FGF12: variants seen among roughly 807,000 people sequenced by gnomAD.
The protein encoded by FGF12 is fibroblast growth factor 12B.
In FGF12, 14 loss-of-function variants were observed where a neutral mutation model predicts 23.6. That is an observed-to-expected ratio of 0.59 (90% confidence interval 0.39 to 0.93). The LOEUF (loss-of-function observed/expected upper bound fraction) is 0.93, where lower values mean the gene tolerates loss of function less well. FGF12 is among the 40% of genes least tolerant of loss of function. FGF12 has a pLI of 0.00. For missense variants in FGF12, 175 were observed against 217.8 expected, an observed-to-expected ratio of 0.80 and a Z score of 1.24; for synonymous variants, 62 against 77.3, an observed-to-expected ratio of 0.80 and a Z score of 1.04.
intron 2 of FGF12, among the ~76,000 whole-genome samples, chr3:192,627,688 G>C (rs1479601728): frequency 6.6e-6 from 1 of 152,148 alleles, no homozygotes; most frequent in South Asian, 2.1e-4. Flanking sequence ...GATAATTGCA[G>C]ATTCACATGC....
chr3:192,661,741 GT>G (rs1249121824), intron 2 of FGF12, among the ~76,000 whole-genome samples: 3 of 152,150 alleles, frequency 2.0e-5, no homozygotes, highest in Non-Finnish European at 4.4e-5. Context: ...AGATTACCAT[GT>G]TCCAGACAAA....
At chr3:192,188,031 A>G (rs1376534919) in intron 4 of FGF12, among the ~76,000 whole-genome samples, 1 of 152,206 alleles carries the variant, frequency 6.6e-6, no homozygotes, top group South Asian at 2.1e-4. Flanking sequence ...GAGACATTCC[A>G]GTGAAACAGA....
chr3:192,558,556 T>G (rs1711882287), intron 2 of FGF12, among the ~76,000 whole-genome samples: 1 of 149,782 alleles, frequency 6.7e-6, no homozygotes, highest in Non-Finnish European at 1.5e-5. Context: ...CCCACTGGCA[T>G]TTTTTGTGGA....
chr3:192,706,375 C>T (rs1014678713), intron 2 of FGF12, among the ~76,000 whole-genome samples: 4 of 152,168 alleles, frequency 2.6e-5, no homozygotes, highest in East Asian at 1.9e-4. Context: ...TTACCAATGA[C>T]GTAACAGAAG....
intron 2 of FGF12, among the ~76,000 whole-genome samples, chr3:192,583,463 G>C (rs989560479): frequency 2.0e-5 from 3 of 152,140 alleles, no homozygotes; most frequent in Non-Finnish European, 4.4e-5. Context: ...TGCTTTAGTG[G>C]TACTTTTCAG....
At chr3:192,522,197 C>CG (rs1491132020) in intron 2 of FGF12, among the ~76,000 whole-genome samples, 3 of 140,874 alleles carry the variant, frequency 2.1e-5, no homozygotes, top group East Asian at 2.1e-4. Context: ...GACTCCGTCT[C>CG]AAAAAAAAAA....
At chr3:192,470,671 G>T (rs1442339049) in intron 2 of FGF12, among the ~76,000 whole-genome samples, 1 of 152,200 alleles carries the variant, frequency 6.6e-6, no homozygotes, top group Non-Finnish European at 1.5e-5. Context: ...TCACAGGCAT[G>T]AGCCCCCACA....
chr3:192,629,908 A>G (rs1503592), intron 2 of FGF12, among the ~76,000 whole-genome samples: 117,051 of 152,042 alleles, frequency 0.77, 45,460 homozygotes, highest in African/African-American at 0.85. Context: ...CTCCCTAGGT[A>G]ATCCTTATTA....
chr3:192,450,440 A>T (rs2108801361), intron 2 of FGF12, among the ~76,000 whole-genome samples: 1 of 152,352 alleles, frequency 6.6e-6, no homozygotes, highest in Non-Finnish European at 1.5e-5. Context: ...CAGTAATACT[A>T]AACATAGATA....
chr3:192,448,587 A>G (rs1252904505), intron 2 of FGF12, among the ~76,000 whole-genome samples: 1 of 152,202 alleles, frequency 6.6e-6, no homozygotes, highest in Non-Finnish European at 1.5e-5. Context: ...CTTGAGTGAT[A>G]CTATGCTTCA....
intron 2 of FGF12, among the ~76,000 whole-genome samples, chr3:192,393,105 T>C (rs1242545532): frequency 6.6e-6 from 1 of 152,174 alleles, no homozygotes. Context: ...CCACCAGGAG[T>C]AATAATTTGC....
chr3:192,723,652 G>A (rs1266919020), intron 2 of FGF12, among the ~76,000 whole-genome samples: 1 of 151,974 alleles, frequency 6.6e-6, no homozygotes, highest in Non-Finnish European at 1.5e-5. Context: ...CATCACTTGG[G>A]AGCCATTTAA....
intron 2 of FGF12, among the ~76,000 whole-genome samples, chr3:192,574,157 C>A (rs1370826521): frequency 2.0e-5 from 3 of 152,228 alleles, no homozygotes; most frequent in East Asian, 3.8e-4. Context: ...TAATAATCTA[C>A]TTCTCATAGT....
At chr3:192,209,400 G>T (rs1423504814) in intron 4 of FGF12, among the ~76,000 whole-genome samples, 2 of 152,176 alleles carry the variant, frequency 1.3e-5, no homozygotes, top group African/African-American at 2.4e-5. Flanking sequence ...GCTAGCTATG[G>T]ACTGTAGACA....
chr3:192,278,834 C>T lies in FGF12; in HGVS notation c.228+56527G>A, dbSNP rs141661823. On this transcript the variant is annotated intron_variant, in intron 4 of 5. Transcript: ENST00000445105. ...CTACCCCCAGATTCTTACTGAAGTA[C>T]CAATCAAGTAACAATTCTCTGGTTC... 3.8e-3 allele frequency among the ~76,000 whole-genome samples: 585 copies of T among 152,224 alleles called. 7 individuals are homozygous for T. The highest frequency in any genetic ancestry group is 4.4e-3 in the Non-Finnish European group (299 of 68,006).
At chr3:192,325,916 T>C (rs920876241) in intron 4 of FGF12, among the ~76,000 whole-genome samples, 3 of 152,130 alleles carry the variant, frequency 2.0e-5, no homozygotes, top group South Asian at 2.1e-4. Context: ...TTCAGTAGAA[T>C]AGAAACAGAC....
At chr3:192,387,393 T>C (rs1160575120) in intron 2 of FGF12, among the ~76,000 whole-genome samples, 2 of 152,200 alleles carry the variant, frequency 1.3e-5, no homozygotes, top group Middle Eastern at 3.2e-3. Flanking sequence ...TCCAAACCTG[T>C]CTTCTATTTT....
At chr3:192,346,982 T>C (rs1251626207) in intron 3 of FGF12, among the ~76,000 whole-genome samples, 2 of 152,054 alleles carry the variant, frequency 1.3e-5, no homozygotes, top group African/African-American at 4.8e-5. Context: ...CTTTAAAAAT[T>C]GAAGAAAAAA....
At chr3:192,252,526 A>G (rs952473613) in intron 4 of FGF12, among the ~76,000 whole-genome samples, 8 of 150,770 alleles carry the variant, frequency 5.3e-5, no homozygotes, top group Non-Finnish European at 1.5e-5. Context: ...GAAGACAAGA[A>G]AAGACAAGAA....
Sources: allele counts gnomAD v4.1 joint callset (sites outside exome capture counted in the v4.1 genomes callset), GRCh38; gene constraint gnomAD v4.1.1; transcripts MANE v1.5; gene names NCBI Gene and HGNC (gene_info 2026-07-23, HGNC 2026-07-21).